The following ADGRD1 variants were observed in gnomAD, a reference collection of about 807,000 sequenced individuals.
ADGRD1 encodes the protein G-protein coupled receptor 133.
A neutral mutation model predicts 113.4 loss-of-function variants in ADGRD1; 77 were observed. That is an observed-to-expected ratio of 0.68 (90% CI 0.57 to 0.82). The LOEUF is 0.82. Among genes scored for constraint, ADGRD1 ranks in the 40% least tolerant of loss-of-function variants. The probability of loss-of-function intolerance (pLI) is 0.00; values close to 1 mark genes in which losing one functional copy is unlikely to be tolerated. For missense variants in ADGRD1, 1,036 were observed against 1,139.1 expected (o/e 0.91, Z 1.30); for synonymous variants, 474 against 475.0 (o/e 1.00, Z 0.03).
intron 17 of ADGRD1, 101 bp downstream of exon 17, chr12:131,105,966 A>G: frequency 1.2e-6 from 1 of 801,008 alleles, no homozygotes; most frequent in Non-Finnish European, 2.1e-6. Context: ...CAAATTTCAG[A>G]ACCCATCTCC....
rs546219915 is a variant in ADGRD1 at position 130,996,982 on chromosome 12, C to T, written c.967-3401C>T. 2.7e-3 allele frequency among the ~76,000 whole-genome samples: 374 copies of T among 136,484 alleles called. 4 individuals carry two copies. Among genetic ancestry groups the T allele is most frequent in the African/African-American group, 1.0e-2 (352 of 35,218 alleles). 89.5% of individuals were successfully genotyped at this position (136,484 alleles called of 152,430 possible). A position where few individuals can be genotyped will look rare whatever the true frequency, so the allele number is the denominator to read the frequency against. On this transcript the variant is annotated intron_variant, in intron 8 of 24. Transcript: ENST00000261654. Reference sequence around the variant, plus strand: ...GGGGCTGACCCCCCAACCTCCCTCCCGGATGGGGCGGCTGGCCAGGCGGGG... The same window carrying T: ...GGGGCTGACCCCCCAACCTCCCTCCTGGATGGGGCGGCTGGCCAGGCGGGG...
chr12:131,065,229 T>A (rs1884625965), intron 13 of ADGRD1, among the ~76,000 whole-genome samples: 1 of 152,038 alleles, frequency 6.6e-6, no homozygotes, highest in African/African-American at 2.4e-5. Context: ...AGTGGCTCAG[T>A]AGAGGTGAGA....
At chr12:131,065,857 G>A (rs1341471290) in intron 13 of ADGRD1, among the ~76,000 whole-genome samples, 3 of 152,232 alleles carry the variant, frequency 2.0e-5, no homozygotes, top group African/African-American at 7.2e-5. Context: ...TTCTGCTCCT[G>A]GCTGGAAGCC....
Position 131,000,434 on chromosome 12 carries a change from C to G in ADGRD1, c.1018C>G (p.Leu340Val), listed in dbSNP as rs1876218716. ...CCTTCTACTGCCTGGTTGGATTGCT[C>G]TGTCAGAGGTAAGAGAAAAGAACAT... The part of the protein sequence containing the change: ...EILLLPGWIA[L>V]SEDSAVVLSL... Residue 340 changes from leucine to valine, a missense_variant, in exon 9 of 25, where the codon CTG (leucine) becomes GTG (valine). By Grantham distance (32) the Leu-to-Val change is conservative (BLOSUM62 1). Coordinates refer to ENST00000261654, the MANE Select transcript of ADGRD1 (RefSeq NM_198827.5). 1.2e-6 allele frequency: 2 copies of G among 1,612,096 alleles called. No homozygotes were observed. The highest frequency in any genetic ancestry group is 1.3e-5 in the African/African-American group (1 of 74,968).
chr12:130,973,699 C>T (rs773052744), intron 4 of ADGRD1, among the ~76,000 whole-genome samples: 121 of 152,312 alleles, frequency 7.9e-4, no homozygotes, highest in Non-Finnish European at 1.1e-3. Flanking sequence ...GCCATGAACT[C>T]GGGCTTCATG....
At position 131,104,911 on chromosome 12, in the gene ADGRD1, G is replaced by A. The variant is rs141051842; in HGVS notation, c.1752G>A (p.Thr584=). ...CSLSVLCLVA[T]LVTFAVLSSV... is the part of the protein sequence containing the mutation. ...TCTCCGTGCTCTGCCTGGTGGCCAC[G>A]CTGGTCACCTTCGCCGTGCTGTCGT... Residue 584 remains threonine (T), a synonymous_variant, in exon 16 of 25, where the codon ACG becomes ACA. Coordinates refer to ENST00000261654, the MANE Select transcript of ADGRD1 (RefSeq NM_198827.5). 5.0e-4 allele frequency: 774 copies of A among 1,550,502 alleles called. No homozygotes were observed. Among genetic ancestry groups the A allele is most frequent in the Middle Eastern group, 1.2e-3 (7 of 5,984 alleles).
chr12:131,082,981 G>A lies in ADGRD1; in HGVS notation c.1548-1559G>A, dbSNP rs551146388. On this transcript the variant is annotated intron_variant, in intron 14 of 24. Coordinates refer to ENST00000261654, the MANE Select transcript of ADGRD1 (RefSeq NM_198827.5). Reference sequence around the variant, plus strand: ...CAACCCCTCCCTCGCGCTCCACGTCGCCCAGGGCTAACGCAGGGTTACCGT... The same window carrying A: ...CAACCCCTCCCTCGCGCTCCACGTCACCCAGGGCTAACGCAGGGTTACCGT... Among the ~76,000 whole-genome samples the A allele has an allele frequency of 3.9e-5, 6 of 152,300 alleles. 1 individual carries two copies. The South Asian group carries it at 1.0e-3, about 26-fold the overall frequency.
rs1339670370 is a variant in ADGRD1 at position 130,954,668 on chromosome 12, T to C, written c.103+8T>C. The C allele has an allele frequency of 1.9e-6, 3 of 1,611,974 alleles. No homozygotes were observed. The highest frequency in any genetic ancestry group is 2.5e-6 in the Non-Finnish European group (3 of 1,179,416). ...GATCGCAGGACCATCCAGGTAAGAGTGTTTCCTTCTCACTCTGAGCACCGC... is the reference window on the plus strand; with the variant it reads ...GATCGCAGGACCATCCAGGTAAGAGCGTTTCCTTCTCACTCTGAGCACCGC... On this transcript the variant is annotated splice_region_variant and intron_variant, in intron 2 of 24. Transcript: ENST00000261654. The surrounding 1 kb of genome is among the most constrained non-coding windows in gnomAD (Gnocchi z 4.7).
intron 13 of ADGRD1, among the ~76,000 whole-genome samples, chr12:131,072,433 G>A (rs1319793570): frequency 6.6e-6 from 1 of 152,226 alleles, no homozygotes; most frequent in Non-Finnish European, 1.5e-5. Context: ...GTCCCAGGTG[G>A]CCATGGGCTG....
At chr12:131,036,019 A>G (rs1459072048) in intron 13 of ADGRD1, among the ~76,000 whole-genome samples, 1 of 152,208 alleles carries the variant, frequency 6.6e-6, no homozygotes, top group Non-Finnish European at 1.5e-5. Flanking sequence ...TGCTTTAAAA[A>G]CAACAAAGCT....
intron 13 of ADGRD1, among the ~76,000 whole-genome samples, chr12:131,043,174 C>G (rs1882317300): frequency 6.6e-6 from 1 of 152,222 alleles, no homozygotes; most frequent in Admixed American, 6.5e-5. Context: ...CCTGGAGCAG[C>G]CCGGCCCGGG....
intron 13 of ADGRD1, among the ~76,000 whole-genome samples, chr12:131,044,094 G>A (rs751078203): frequency 1.3e-5 from 2 of 152,110 alleles, no homozygotes; most frequent in African/African-American, 4.8e-5. Context: ...TTCTAATTGG[G>A]TTTCCATAGA....
Position 131,014,317 on chromosome 12 carries a change from A to G in ADGRD1, c.1450A>G (p.Thr484Ala). The change falls in exon 13 of 25, where the codon ACG (threonine) becomes GCG (alanine). Residue 484 changes from threonine to alanine, a missense_variant. By Grantham distance (58) the Thr-to-Ala change is moderately conservative. Coordinates refer to ENST00000261654, the MANE Select transcript of ADGRD1 (RefSeq NM_198827.5). ...SQNLSGSPLI[T>A]VHLKHRLTRK... The stretch of plus-strand genomic sequence containing the variant: ...GAACCTGTCGGGCTCTCCACTCATT[A>G]CGGTCCACCTCAAGCACAGATTGGT... 1.9e-6 allele frequency: 3 copies of G among 1,613,952 alleles called. No individual in the cohort carries two copies. The highest frequency in any genetic ancestry group is 2.2e-5 in the East Asian group (1 of 44,866).
At position 131,032,749 on chromosome 12, in the gene ADGRD1, TCA is replaced by T. The variant is rs1880927791; in HGVS notation, c.1473+18412_1473+18413del. ...GTTTATTAGAGAAATCGCCACCCCGTCACAGAGGTGACGCTTATTAGAGAAAT... is the reference window on the plus strand; with the variant it reads ...GTTTATTAGAGAAATCGCCACCCCGTCAGAGGTGACGCTTATTAGAGAAAT... On this transcript the variant is annotated intron_variant, in intron 13 of 24. Transcript: ENST00000261654. Among the ~76,000 whole-genome samples the T allele has an allele frequency of 1.6e-5, 2 of 124,656 alleles. 1 individual carries two copies. Among genetic ancestry groups the T allele is most frequent in the Admixed American group, 1.6e-4 (2 of 12,610 alleles). 81.8% of individuals were successfully genotyped at this position (124,656 alleles called of 152,430 possible). A position where few individuals can be genotyped will look rare whatever the true frequency, so the allele number is the denominator to read the frequency against.
At chr12:130,978,996 G>A (rs536729249) in intron 4 of ADGRD1, among the ~76,000 whole-genome samples, 7 of 151,866 alleles carry the variant, frequency 4.6e-5, no homozygotes, top group Admixed American at 3.3e-4. Context: ...CGGGAGGCTC[G>A]GGGGGTTGTC....
chr12:130,984,984 G>A lies in ADGRD1; in HGVS notation c.491-2111G>A, dbSNP rs1381153529. Reference sequence around the variant, plus strand: ...CTGACAGGATCTGTCATCCAGGCTGGAGTACAGTGGTGCAATCACAGCTTA... The same window carrying A: ...CTGACAGGATCTGTCATCCAGGCTGAAGTACAGTGGTGCAATCACAGCTTA... On this transcript the variant is annotated intron_variant, in intron 5 of 24. Coordinates refer to ENST00000261654, the MANE Select transcript of ADGRD1 (RefSeq NM_198827.5). The surrounding 1 kb of genome is among the most constrained non-coding windows in gnomAD (Gnocchi z 4.1). 6.6e-6 allele frequency among the ~76,000 whole-genome samples: 1 copy of A among 151,348 alleles called. No individual in the cohort carries two copies. The highest frequency in any genetic ancestry group is 1.5e-5 in the Non-Finnish European group (1 of 67,906).
At chr12:131,079,503 T>G (rs1885903232) in intron 14 of ADGRD1, among the ~76,000 whole-genome samples, 2 of 152,204 alleles carry the variant, frequency 1.3e-5, no homozygotes, top group Non-Finnish European at 2.9e-5. Flanking sequence ...TAATGATACC[T>G]TTATAAAAGT....
At chr12:131,130,494 C>G (rs561997301) in intron 20 of ADGRD1, among the ~76,000 whole-genome samples, 1 of 152,346 alleles carries the variant, frequency 6.6e-6, no homozygotes, top group Non-Finnish European at 1.5e-5. Context: ...CAGACAGGGC[C>G]GGTCTCCTGC....
chr12:130,989,704 T>C (rs1874130832), intron 6 of ADGRD1: 1 of 152,298 alleles, frequency 6.6e-6, no homozygotes, highest in Non-Finnish European at 1.5e-5. Context: ...TTTTTCTGAG[T>C]GACCTGGGCA....
Sources: allele counts gnomAD v4.1 joint callset (sites outside exome capture counted in the v4.1 genomes callset), GRCh38; gene constraint gnomAD v4.1.1; non-coding constraint Gnocchi (gnomAD v3.1); transcripts MANE v1.5; gene names NCBI Gene and HGNC (gene_info 2026-07-23, HGNC 2026-07-21).